Variants in NEDD4 observed in about 807,000 individuals in gnomAD.
The protein encoded by NEDD4 is E3 ubiquitin-protein ligase NEDD4.
A neutral mutation model predicts 144.9 loss-of-function variants in NEDD4; 99 were observed. The ratio of observed to expected loss-of-function variants is 0.68; its 90% confidence interval spans 0.58 to 0.81. NEDD4 has a LOEUF of 0.81. Among genes scored for constraint, NEDD4 ranks in the 30% least tolerant of loss-of-function variants. The probability of loss-of-function intolerance (pLI) is 0.00; values close to 1 mark genes in which losing one functional copy is unlikely to be tolerated. For missense variants in NEDD4, 985 were observed against 1,065.9 expected (o/e 0.92, Z 1.06); for synonymous variants, 318 against 350.6 (o/e 0.91, Z 1.04).
chr15:55,947,927 A>G (rs1238697396), intron 4 of NEDD4, among the ~76,000 whole-genome samples: 1 of 152,212 alleles, frequency 6.6e-6, no homozygotes, highest in African/African-American at 2.4e-5. Flanking sequence ...CTCCTATTCA[A>G]CATAGTGTTA....
At chr15:55,992,160 T>G (rs1245039353) in intron 1 of NEDD4, among the ~76,000 whole-genome samples, 1 of 152,218 alleles carries the variant, frequency 6.6e-6, no homozygotes, top group African/African-American at 2.4e-5. Context: ...TCTTCTGATC[T>G]CGTCTACAGA....
At chr15:55,850,155 TTAAAA>T (rs1284546995) in intron 14 of NEDD4, among the ~76,000 whole-genome samples, 25 of 152,196 alleles carry the variant, frequency 1.6e-4, no homozygotes, top group Admixed American at 1.6e-3. Flanking sequence ...AAGCCTTATC[TTAAAA>T]TAAAAATACT....
rs762173624 is a variant in NEDD4 at position 55,856,205 on chromosome 15, A to G, written c.961-9T>C. 4.8e-5 allele frequency: 77 copies of G among 1,610,256 alleles called. No homozygotes were observed. Among genetic ancestry groups the G allele is most frequent in the Non-Finnish European group, 6.0e-5 (71 of 1,178,408 alleles). On this transcript the variant is annotated splice_polypyrimidine_tract_variant and intron_variant, in intron 11 of 28. Coordinates refer to ENST00000435532, the MANE Select transcript of NEDD4 (RefSeq NM_006154.4). ...CTTCTGCTGGAATGATTCTTGTGAA[A>G]AAACAAGACAACAGAAGAATACCTT...
chr15:55,909,793 A>C (rs1299702642), intron 5 of NEDD4, among the ~76,000 whole-genome samples: 1 of 152,196 alleles, frequency 6.6e-6, no homozygotes, highest in Non-Finnish European at 1.5e-5. Context: ...CATAGACAGA[A>C]TTGCCTATTA....
At chr15:55,918,533 G>T (rs1048700440) in intron 5 of NEDD4, among the ~76,000 whole-genome samples, 1 of 151,122 alleles carries the variant, frequency 6.6e-6, no homozygotes. Context: ...TGCTAAGTAA[G>T]TTTTTTTTCC....
At chr15:55,870,665 C>A (rs1489787174) in intron 7 of NEDD4, among the ~76,000 whole-genome samples, 11 of 151,902 alleles carry the variant, frequency 7.2e-5, no homozygotes, top group African/African-American at 2.7e-4. Flanking sequence ...TCCTAAATAA[C>A]TGGGACTACA....
chr15:55,973,677 T>C (rs987901065), intron 1 of NEDD4, among the ~76,000 whole-genome samples: 4 of 152,098 alleles, frequency 2.6e-5, no homozygotes, highest in Non-Finnish European at 4.4e-5. Flanking sequence ...TCCTGAATGA[T>C]TGGCAGATCA....
intron 9 of NEDD4, among the ~76,000 whole-genome samples, chr15:55,862,113 T>C (rs756592764): frequency 1.3e-5 from 2 of 152,160 alleles, no homozygotes; most frequent in African/African-American, 2.4e-5. Flanking sequence ...TTCTGTGCCA[T>C]GAAGTACTTG....
intron 8 of NEDD4, 35 bp from the exon 9 acceptor site, chr15:55,863,114 A>G: frequency 1.3e-6 from 2 of 1,493,298 alleles, no homozygotes; most frequent in East Asian, 2.4e-5. Context: ...AAGTTTACGC[A>G]TGATTTTTTT....
chr15:55,908,716 G>A (rs1300520734), intron 5 of NEDD4, among the ~76,000 whole-genome samples: 4 of 152,104 alleles, frequency 2.6e-5, no homozygotes, highest in South Asian at 2.1e-4. Flanking sequence ...ATCTTAATAA[G>A]CCATTCTCTA....
At chr15:55,902,498 T>C (rs2035942717) in intron 5 of NEDD4, among the ~76,000 whole-genome samples, 1 of 152,082 alleles carries the variant, frequency 6.6e-6, no homozygotes, top group Non-Finnish European at 1.5e-5. Context: ...AAAAAGATTC[T>C]AGAAAAAAGG....
At chr15:55,911,146 CAG>C (rs1490418697) in intron 5 of NEDD4, among the ~76,000 whole-genome samples, 3 of 152,160 alleles carry the variant, frequency 2.0e-5, no homozygotes, top group African/African-American at 7.2e-5. Flanking sequence ...TGACTCTCAA[CAG>C]GGGACAATTT....
intron 1 of NEDD4, among the ~76,000 whole-genome samples, chr15:55,977,540 CA>C (rs2037726479): frequency 6.6e-6 from 1 of 152,048 alleles, no homozygotes; most frequent in Non-Finnish European, 1.5e-5. Flanking sequence ...TAACACAACA[CA>C]AAAAACTCTG....
intron 5 of NEDD4, among the ~76,000 whole-genome samples, chr15:55,874,642 G>A (rs1255302945): frequency 1.3e-5 from 2 of 152,162 alleles, no homozygotes; most frequent in Non-Finnish European, 2.9e-5. Flanking sequence ...CACCAAAAGG[G>A]AAGCAGAATT....
rs555460349 is a variant in NEDD4, at chr15:55,878,065, A to C, written c.292-4057T>G. On this transcript the variant is annotated intron_variant, in intron 5 of 28. Transcript: ENST00000435532. ...TAAATTTTACTGGAGAATCATATTT[A>C]GATATAAAGATCCGGGTTCAAGGTG... is the stretch of plus-strand genomic sequence containing the variant. Among the ~76,000 whole-genome samples, 4 of 152,342 alleles carry C rather than the reference A, an allele frequency of 2.6e-5. No homozygotes were observed. In the South Asian group the frequency reaches 8.3e-4, roughly 32 times the overall value.
At chr15:55,865,545 A>AC (rs2034556408) in intron 8 of NEDD4, among the ~76,000 whole-genome samples, 2 of 150,758 alleles carry the variant, frequency 1.3e-5, no homozygotes, top group Admixed American at 1.3e-4. Flanking sequence ...AAACTACTAA[A>AC]TAACATTAAA....
chr15:55,866,523 GA>G (rs1188670264), intron 8 of NEDD4, among the ~76,000 whole-genome samples: 3 of 151,838 alleles, frequency 2.0e-5, no homozygotes, highest in African/African-American at 7.3e-5. Flanking sequence ...TTTTTTGGTT[GA>G]ATATAACCAT....
At chr15:55,840,246 A>G (rs1178020678) in intron 21 of NEDD4, among the ~76,000 whole-genome samples, 1 of 151,664 alleles carries the variant, frequency 6.6e-6, no homozygotes, top group African/African-American at 2.4e-5. Context: ...AGTAGTTGAT[A>G]TACAACTGTC....
intron 5 of NEDD4, among the ~76,000 whole-genome samples, chr15:55,875,047 T>C (rs1412136774): frequency 1.3e-5 from 2 of 151,226 alleles, no homozygotes; most frequent in Non-Finnish European, 2.9e-5. Context: ...TTAGTTACTA[T>C]ATTCATTGTC....
Sources: gnomAD v4.1 joint callset for allele counts (sites outside exome capture counted in the v4.1 genomes callset) on GRCh38, gnomAD v4.1.1 for gene constraint, MANE v1.5 for transcripts, NCBI Gene and HGNC (gene_info 2026-07-23, HGNC 2026-07-21) for gene names.